Variants in BTBD9 observed in about 807,000 individuals in gnomAD.
BTBD9 encodes BTB domain containing 9.
In BTBD9, 49 loss-of-function variants were observed where a neutral mutation model predicts 64.3. The ratio of observed to expected loss-of-function variants is 0.76; its 90% CI spans 0.61 to 0.97. The LOEUF (loss-of-function observed/expected upper bound fraction) is 0.97. BTBD9 is among the 50% of genes least tolerant of loss of function. The pLI is 0.00. For synonymous variants in BTBD9, 260 were observed against 274.7 expected, an observed-to-expected ratio of 0.95 and a Z score of 0.53; for missense variants, 598 against 762.1, an observed-to-expected ratio of 0.78 and a Z score of 2.53.
intron 10 of BTBD9, among the ~76,000 whole-genome samples, chr6:38,178,810 G>T (rs1005410968): frequency 2.0e-5 from 3 of 152,146 alleles, no homozygotes; most frequent in African/African-American, 7.2e-5. Context: ...GCCTTAAGCT[G>T]GGCAGGGATC....
intron 7 of BTBD9, among the ~76,000 whole-genome samples, chr6:38,292,913 G>C (rs1451487602): frequency 6.6e-6 from 1 of 151,914 alleles, no homozygotes; most frequent in African/African-American, 2.4e-5. Context: ...GTGATGTTAG[G>C]GTGTCGATTT....
At chr6:38,607,206 A>G (rs1777459092) in intron 1 of BTBD9, among the ~76,000 whole-genome samples, 2 of 152,184 alleles carry the variant, frequency 1.3e-5, no homozygotes, top group Non-Finnish European at 2.9e-5. Context: ...GTTGACACAA[A>G]TATGCATCAA....
chr6:38,456,856 C>T (rs1011946750), intron 6 of BTBD9, among the ~76,000 whole-genome samples: 1 of 152,150 alleles, frequency 6.6e-6, no homozygotes, highest in Non-Finnish European at 1.5e-5. Context: ...ATATATCATT[C>T]CCCTGCTCAA....
At chr6:38,298,708 TTACTCTC>T (rs1309381379) in intron 7 of BTBD9, among the ~76,000 whole-genome samples, 1 of 152,174 alleles carries the variant, frequency 6.6e-6, no homozygotes, top group Non-Finnish European at 1.5e-5. Context: ...GCCTATTTCT[TTACTCTC>T]TACCTCCATG....
At chr6:38,397,001 A>G (rs929330172) in intron 6 of BTBD9, among the ~76,000 whole-genome samples, 2 of 145,932 alleles carry the variant, frequency 1.4e-5, no homozygotes, top group Non-Finnish European at 3.0e-5. Context: ...TCCTGGGTTC[A>G]AGTGATTCTC....
At chr6:38,623,283 T>C (rs1778053008) in intron 1 of BTBD9, among the ~76,000 whole-genome samples, 1 of 152,134 alleles carries the variant, frequency 6.6e-6, no homozygotes, top group Non-Finnish European at 1.5e-5. Flanking sequence ...ACTCTATCAG[T>C]GCCCCTCAAA....
intron 1 of BTBD9, among the ~76,000 whole-genome samples, chr6:38,616,288 A>T (rs1256044008): frequency 1.3e-5 from 2 of 152,222 alleles, no homozygotes; most frequent in African/African-American, 4.8e-5. Flanking sequence ...CTTTGATTTC[A>T]GCATAGTAAG....
intron 7 of BTBD9, among the ~76,000 whole-genome samples, chr6:38,304,067 G>C (rs1443335884): frequency 6.6e-6 from 1 of 150,918 alleles, no homozygotes; most frequent in Admixed American, 6.6e-5. Flanking sequence ...GAGCCAAACA[G>C]AGACACAACC....
At chr6:38,438,611 C>A (rs1209276418) in intron 6 of BTBD9, among the ~76,000 whole-genome samples, 1 of 152,150 alleles carries the variant, frequency 6.6e-6, no homozygotes, top group Non-Finnish European at 1.5e-5. Context: ...TGGACAGATT[C>A]CTTTCCTTTG....
chr6:38,183,678 GCCTCT>G (rs1761682944), intron 10 of BTBD9, among the ~76,000 whole-genome samples: 1 of 152,174 alleles, frequency 6.6e-6, no homozygotes, highest in Admixed American at 6.5e-5. Flanking sequence ...AGCTTTCACT[GCCTCT>G]CCCCCAGCCT....
At chr6:38,600,938 C>T (rs1777218975) in intron 1 of BTBD9, among the ~76,000 whole-genome samples, 2 of 152,028 alleles carry the variant, frequency 1.3e-5, no homozygotes, top group African/African-American at 4.8e-5. Context: ...TAGAAAACAG[C>T]CACTTAGGAT....
At chr6:38,289,958 A>T (rs1034859588) in intron 7 of BTBD9, among the ~76,000 whole-genome samples, 1 of 152,152 alleles carries the variant, frequency 6.6e-6, no homozygotes, top group Non-Finnish European at 1.5e-5. Flanking sequence ...ATTTAACCAA[A>T]ACCTACTTAC....
chr6:38,363,583 A>G (rs1361059432), intron 6 of BTBD9, among the ~76,000 whole-genome samples: 1 of 152,218 alleles, frequency 6.6e-6, no homozygotes, highest in African/African-American at 2.4e-5. Flanking sequence ...TGTCTCAAGA[A>G]AAAGTTACTC....
chr6:38,588,281 C>A, intron 4 of BTBD9: 2 of 1,134,118 alleles, frequency 1.8e-6, no homozygotes, highest in Non-Finnish European at 1.3e-6. Context: ...TGCTCAGCTG[C>A]CACACAGTAC....
intron 8 of BTBD9, among the ~76,000 whole-genome samples, chr6:38,261,764 C>T (rs145993334): frequency 4.6e-4 from 70 of 152,284 alleles, no homozygotes; most frequent in East Asian, 3.3e-3. Flanking sequence ...TTGAGACATC[C>T]TCTCTCTAGT....
At chr6:38,344,539 C>G (rs1764210183) in intron 7 of BTBD9, among the ~76,000 whole-genome samples, 1 of 152,066 alleles carries the variant, frequency 6.6e-6, no homozygotes, top group African/African-American at 2.4e-5. Context: ...ATTCATATAT[C>G]CATGAAAAGA....
intron 9 of BTBD9, among the ~76,000 whole-genome samples, chr6:38,211,110 G>A (rs1762817089): frequency 6.6e-6 from 1 of 152,216 alleles, no homozygotes; most frequent in African/African-American, 2.4e-5. Flanking sequence ...TCTCTGAGAA[G>A]ATTCTGAACA....
At chr6:38,402,598 C>T (rs1303525894) in intron 6 of BTBD9, among the ~76,000 whole-genome samples, 1 of 152,168 alleles carries the variant, frequency 6.6e-6, no homozygotes, top group African/African-American at 2.4e-5. Context: ...GTGCCTGGGA[C>T]AACTGGATGT....
chr6:38,529,600 G>A (rs916749583), intron 6 of BTBD9, among the ~76,000 whole-genome samples: 1 of 152,206 alleles, frequency 6.6e-6, no homozygotes, highest in African/African-American at 2.4e-5. Context: ...GGAAGTCAGG[G>A]ACCCCGAACA....
Sources: allele counts gnomAD v4.1 joint callset (sites outside exome capture counted in the v4.1 genomes callset), GRCh38; gene constraint gnomAD v4.1.1; transcripts MANE v1.5; gene names NCBI Gene and HGNC (gene_info 2026-07-23, HGNC 2026-07-21).